Variants in CPT1A observed in about 807,000 individuals in gnomAD.
CPT1A encodes the protein carnitine O-palmitoyltransferase 1, liver isoform.
Under a neutral mutation model 100.8 loss-of-function variants are expected in CPT1A, and 64 were observed. The observed-to-expected ratio is 0.63, with a 90% CI of 0.52 to 0.78. CPT1A has a LOEUF of 0.78. CPT1A is among the 30% of genes least tolerant of loss of function. CPT1A has a pLI of 0.00. For synonymous variants in CPT1A, 363 were observed against 396.0 expected, an observed-to-expected ratio of 0.92 and a Z score of 0.99; for missense variants, 802 against 1,034.1, an observed-to-expected ratio of 0.78 and a Z score of 3.08.
At position 68,761,997 on chromosome 11, in the gene CPT1A, G is replaced by A. The variant is rs555195664; in HGVS notation, c.1876-310C>T. ...GGGGATCAGCGGAAAGCACCTGCAC[G>A]CTCTGGGGATCAGCAGAAAGCACCT... On this transcript the variant is annotated intron_variant, in intron 15 of 18. Coordinates refer to ENST00000265641, the MANE Select transcript of CPT1A (RefSeq NM_001876.4). Among the ~76,000 whole-genome samples the A allele has an allele frequency of 5.3e-5, 8 of 152,206 alleles. No homozygotes were observed. The East Asian group carries it at 5.8e-4, about 11-fold the overall frequency.
chr11:68,829,742 C>T (rs1255788885), intron 1 of CPT1A, among the ~76,000 whole-genome samples: 10 of 152,162 alleles, frequency 6.6e-5, no homozygotes, highest in African/African-American at 2.4e-4. Context: ...CCCTTGGGTG[C>T]TGTTCCTGAG....
At chr11:68,830,055 T>C (rs554110493) in intron 1 of CPT1A, among the ~76,000 whole-genome samples, 12 of 152,044 alleles carry the variant, frequency 7.9e-5, no homozygotes, top group Non-Finnish European at 1.5e-4. Context: ...GATGGGAAGA[T>C]TGCTTGAGTC....
chr11:68,819,575 T>C (rs1856525813), intron 1 of CPT1A, among the ~76,000 whole-genome samples: 1 of 152,250 alleles, frequency 6.6e-6, no homozygotes, highest in African/African-American at 2.4e-5. Flanking sequence ...GGATTAAATA[T>C]AGCGTCTGTA....
At chr11:68,770,571 C>A (rs1009133206) in intron 14 of CPT1A, among the ~76,000 whole-genome samples, 1 of 152,198 alleles carries the variant, frequency 6.6e-6, no homozygotes, top group Non-Finnish European at 1.5e-5. Context: ...AGCCCCTTGA[C>A]CAAGAGCTCT....
In CPT1A at chr11:68,812,489, T is replaced by C; in HGVS notation, c.229A>G (p.Ile77Val). The change falls in exon 3 of 19, where the codon ATC (isoleucine) becomes GTC (valine). Residue 77 changes from isoleucine (I) to valine (V), a missense_variant. Physicochemically the swap from Ile to Val is conservative, Grantham distance 29. Coordinates refer to ENST00000265641, the MANE Select transcript of CPT1A (RefSeq NM_001876.4). The part of the protein sequence containing the change: ...VGVMTTMYAK[I>V]DPSLGIIAKI... ...GCAATTATTCCTAACGAGGGGTCGATCTTGGCGTACATCGTTGTCATCACG... is the reference window on the plus strand; with the variant it reads ...GCAATTATTCCTAACGAGGGGTCGACCTTGGCGTACATCGTTGTCATCACG... 1 of 1,614,154 alleles carries C rather than the reference T, an allele frequency of 6.2e-7. No individual in the cohort carries two copies. The highest frequency in any genetic ancestry group is 1.1e-5 in the South Asian group (1 of 91,088).
intron 3 of CPT1A, among the ~76,000 whole-genome samples, chr11:68,808,622 G>T (rs1017284599): frequency 6.6e-6 from 1 of 151,764 alleles, no homozygotes; most frequent in African/African-American, 2.4e-5. Flanking sequence ...ACCCGCCTCG[G>T]CCTCCCAAAG....
chr11:68,771,669 T>C (rs1406289782), intron 14 of CPT1A, among the ~76,000 whole-genome samples: 1 of 152,242 alleles, frequency 6.6e-6, no homozygotes, highest in Non-Finnish European at 1.5e-5. Flanking sequence ...TGTATTAGCA[T>C]GCATTTTAAA....
chr11:68,754,703 C>T (rs1013636538), downstream of CPT1A: 2 of 730,314 alleles, frequency 2.7e-6, no homozygotes, highest in South Asian at 2.9e-5. Flanking sequence ...TGAATAAATG[C>T]ACAGCAAGTG....
intron 7 of CPT1A, among the ~76,000 whole-genome samples, chr11:68,796,143 T>C (rs1855750160): frequency 6.6e-6 from 1 of 151,934 alleles, no homozygotes. Context: ...CAGAAAACAG[T>C]AGGGTGAAGC....
At chr11:68,758,199 C>T (rs987297206) in intron 18 of CPT1A, among the ~76,000 whole-genome samples, 1 of 150,960 alleles carries the variant, frequency 6.6e-6, no homozygotes, top group African/African-American at 2.4e-5. Flanking sequence ...GCCCAGGAGG[C>T]TGAAGCTGCA....
rs1470772310 is a variant in CPT1A at position 68,841,575 on chromosome 11, G to C, written c.-14+200C>G. On this transcript the variant is annotated intron_variant, in intron 1 of 18. Coordinates refer to ENST00000265641, the MANE Select transcript of CPT1A (RefSeq NM_001876.4). The surrounding 1 kb of genome is among the most constrained non-coding windows in gnomAD (Gnocchi z 6.3). Reference sequence around the variant, plus strand: ...CCCAATCCCCTGGGGAACATGGGGAGCCCCGGCCTCTTTCTGGGTTCAGGA... The same window carrying C: ...CCCAATCCCCTGGGGAACATGGGGACCCCCGGCCTCTTTCTGGGTTCAGGA... 3.9e-5 allele frequency among the ~76,000 whole-genome samples: 6 copies of C among 152,294 alleles called. No homozygotes were observed. The highest frequency in any genetic ancestry group is 5.9e-5 in the Non-Finnish European group (4 of 68,006).
intron 3 of CPT1A, among the ~76,000 whole-genome samples, chr11:68,810,553 G>A (rs991886355): frequency 1.3e-5 from 2 of 152,188 alleles, no homozygotes; most frequent in African/African-American, 4.8e-5. Flanking sequence ...AGGGTCCAGG[G>A]GCTTCCTGGA....
At chr11:68,789,165 G>C (rs550264969) in intron 9 of CPT1A, among the ~76,000 whole-genome samples, 9 of 152,264 alleles carry the variant, frequency 5.9e-5, no homozygotes, top group African/African-American at 1.4e-4. Flanking sequence ...AATTTTGGTA[G>C]TAATTCCATT....
At position 68,807,530 on chromosome 11, in the gene CPT1A, G is replaced by C; in HGVS notation, c.390C>G (p.Leu130=). The C allele has an allele frequency of 6.2e-7, 1 of 1,614,180 alleles. No homozygotes were observed. The highest frequency in any genetic ancestry group is 8.5e-7 in the Non-Finnish European group (1 of 1,180,034). The change falls in exon 4 of 19, where the codon CTC becomes CTG. Residue 130 remains leucine (L), a synonymous_variant. Coordinates refer to ENST00000265641, the MANE Select transcript of CPT1A (RefSeq NM_001876.4). ...VTMRYSLKVL[L]SYHGWMFTEH... ...CAGTGAACATCCACCCGTGGTAGGA[G>C]AGCAGCACTTTCAGGGAGTAGCGCA...
intron 1 of CPT1A, among the ~76,000 whole-genome samples, chr11:68,831,772 T>C (rs528717870): frequency 2.0e-4 from 30 of 151,982 alleles, no homozygotes; most frequent in Non-Finnish European, 3.5e-4. Flanking sequence ...GAGCTGGAAT[T>C]ACAGGCACGC....
At position 68,773,135 on chromosome 11, in the gene CPT1A, G is replaced by A. The variant is rs1030098903; in HGVS notation, c.1740+130C>T. Reference sequence around the variant, plus strand: ...CAACGCCACCCGGCCCCCGGAGACCGGGGTCGGGGGGAGCTGTGCTTCTCC... The same window carrying A: ...CAACGCCACCCGGCCCCCGGAGACCAGGGTCGGGGGGAGCTGTGCTTCTCC... On this transcript the variant is annotated intron_variant, in intron 14 of 18. Coordinates refer to ENST00000265641, the MANE Select transcript of CPT1A (RefSeq NM_001876.4). The A allele has an allele frequency of 6.0e-6, 9 of 1,502,438 alleles. No homozygotes were observed. The Admixed American group carries it at 1.1e-4, about 19-fold the overall frequency. The allele number at this position is 1,502,438 out of a possible 1,614,324, so 93.1% of individuals were successfully genotyped here.
intron 10 of CPT1A, 67 bp downstream of exon 10, chr11:68,784,748 T>C (rs1270579669): frequency 1.4e-6 from 2 of 1,473,886 alleles, no homozygotes; most frequent in Non-Finnish European, 1.9e-6. Flanking sequence ...CTGGTGGGGA[T>C]GGGCCCCAGT....
At chr11:68,778,555 G>A (rs1433953038) in intron 12 of CPT1A, among the ~76,000 whole-genome samples, 1 of 151,816 alleles carries the variant, frequency 6.6e-6, no homozygotes, top group Non-Finnish European at 1.5e-5. Flanking sequence ...AATTATCCGG[G>A]CATGGTGGCA....
chr11:68,776,683 A>C (rs999958126), intron 12 of CPT1A, among the ~76,000 whole-genome samples: 1 of 152,142 alleles, frequency 6.6e-6, no homozygotes, highest in Non-Finnish European at 1.5e-5. Flanking sequence ...GTTCGAGACC[A>C]AGCTGGCCAA....
Sources: gnomAD v4.1 joint callset for allele counts (sites outside exome capture counted in the v4.1 genomes callset) on GRCh38, gnomAD v4.1.1 for gene constraint, Gnocchi (gnomAD v3.1) non-coding constraint, MANE v1.5 for transcripts, NCBI Gene and HGNC (gene_info 2026-07-23, HGNC 2026-07-21) for gene names.